Variants in SLC38A12 observed in about 807,000 individuals in gnomAD.
The protein encoded by SLC38A12 is solute carrier family 38 member 12, also known as putative sodium-coupled neutral amino acid transporter 12.
the SLC38A12 span, among the ~76,000 whole-genome samples, chr17:74,801,333 A>G: frequency 3.3e-3 from 501 of 152,320 alleles, 2 homozygotes; most frequent in African/African-American, 0.011. Flanking sequence ...CACTGCGTGC[A>G]GTCGTTCTAA....
chr17:74,807,172 G>A, the SLC38A12 span, among the ~76,000 whole-genome samples: 2 of 118,554 alleles, frequency 1.7e-5, no homozygotes, highest in Non-Finnish European at 3.2e-5. Context: ...GGCCCACCAC[G>A]TGCCTGTGCC....
At chr17:74,829,785 C>G in the SLC38A12 span, among the ~76,000 whole-genome samples, 1 of 152,272 alleles carries the variant, frequency 6.6e-6, no homozygotes. The surrounding 1 kb of genome is among the most constrained non-coding windows in gnomAD (Gnocchi z 4.1). Flanking sequence ...AGAGCTCTGG[C>G]CCCTGTGCCC....
At chr17:74,819,933 G>A in the SLC38A12 span, 62 of 1,182,284 alleles carry the variant, frequency 5.2e-5, no homozygotes, top group Middle Eastern at 5.7e-4. Context: ...GCCCCCAGCC[G>A]TAGCTGGAGT....
the SLC38A12 span, among the ~76,000 whole-genome samples, chr17:74,816,697 A>G: frequency 6.7e-6 from 1 of 148,930 alleles, no homozygotes; most frequent in African/African-American, 2.5e-5. Flanking sequence ...GTTTTTTTTT[A>G]GAAATGTGCT....
chr17:74,821,427 C>A, the SLC38A12 span, among the ~76,000 whole-genome samples: 4 of 152,202 alleles, frequency 2.6e-5, no homozygotes, highest in African/African-American at 9.7e-5. Context: ...GTTCCAAAGC[C>A]CCAGGTTAAA....
the SLC38A12 span, among the ~76,000 whole-genome samples, chr17:74,784,632 G>A: frequency 6.6e-6 from 1 of 152,166 alleles, no homozygotes; most frequent in Non-Finnish European, 1.5e-5. Flanking sequence ...CAGGGGAGGA[G>A]GCTGGGGGAC....
At chr17:74,802,789 G>A in the SLC38A12 span, among the ~76,000 whole-genome samples, 3 of 152,226 alleles carry the variant, frequency 2.0e-5, no homozygotes, top group East Asian at 3.9e-4. Context: ...GGGGTGCTTA[G>A]CCTAAACCAT....
chr17:74,836,985 G>A, the SLC38A12 span: 37 of 1,194,496 alleles, frequency 3.1e-5, 1 homozygote, highest in South Asian at 1.7e-4. The surrounding 1 kb of genome is among the most constrained non-coding windows in gnomAD (Gnocchi z 4.2). Context: ...CTTCCAACAC[G>A]CTTCACCCCC....
At chr17:74,819,767 C>G in the SLC38A12 span, 2 of 1,614,250 alleles carry the variant, frequency 1.2e-6, no homozygotes, top group South Asian at 2.2e-5. Flanking sequence ...TCACTCTCCT[C>G]CTCGGACCGT....
the SLC38A12 span, chr17:74,785,420 G>C: frequency 6.3e-7 from 1 of 1,578,440 alleles, no homozygotes; most frequent in Admixed American, 1.7e-5. Context: ...CGTTCCTTGG[G>C]AGCTGTTAAG....
At chr17:74,824,714 C>T in the SLC38A12 span, among the ~76,000 whole-genome samples, 1 of 152,212 alleles carries the variant, frequency 6.6e-6, no homozygotes, top group South Asian at 2.1e-4. Flanking sequence ...AGACGCTGCA[C>T]ACGCTCTTTT....
the SLC38A12 span, among the ~76,000 whole-genome samples, chr17:74,817,074 G>T: frequency 6.9e-6 from 1 of 144,640 alleles, no homozygotes; most frequent in Non-Finnish European, 1.5e-5. Context: ...GCATGCCATT[G>T]CCTCTGTCCT....
chr17:74,839,075 C>T, the SLC38A12 span: 3 of 1,535,352 alleles, frequency 2.0e-6, no homozygotes, highest in African/African-American at 1.4e-5. Flanking sequence ...TTGCCTCCCT[C>T]CCCACAGAAG....
chr17:74,796,822 A>G, the SLC38A12 span, among the ~76,000 whole-genome samples: 1 of 152,224 alleles, frequency 6.6e-6, no homozygotes, highest in South Asian at 2.1e-4. Flanking sequence ...AGGTACTGGC[A>G]TGGCAGCCGG....
the SLC38A12 span, chr17:74,794,870 C>T: frequency 7.3e-6 from 5 of 688,442 alleles, no homozygotes; most frequent in African/African-American, 7.2e-5. Context: ...GGGTCATTTT[C>T]CCACTTTTTG....
At chr17:74,799,368 T>C in the SLC38A12 span, among the ~76,000 whole-genome samples, 4 of 152,238 alleles carry the variant, frequency 2.6e-5, no homozygotes, top group Non-Finnish European at 5.9e-5. Flanking sequence ...AACTGCCCTG[T>C]TGAGCAGAGG....
chr17:74,814,225 T>C, the SLC38A12 span, among the ~76,000 whole-genome samples: 45 of 152,178 alleles, frequency 3.0e-4, no homozygotes, highest in Middle Eastern at 3.4e-3. Flanking sequence ...ATGCTGGTGA[T>C]GGCGGGAAGC....
At chr17:74,807,443 G>A in the SLC38A12 span, among the ~76,000 whole-genome samples, 4 of 152,360 alleles carry the variant, frequency 2.6e-5, no homozygotes, top group South Asian at 8.3e-4. Flanking sequence ...GCCTGTGGCG[G>A]GGCTTTGGCA....
the SLC38A12 span, among the ~76,000 whole-genome samples, chr17:74,815,433 A>C: frequency 6.6e-6 from 1 of 152,212 alleles, no homozygotes; most frequent in Non-Finnish European, 1.5e-5. Context: ...ATTGGCACCA[A>C]GTTTAAAATT....
Sources: allele counts gnomAD v4.1 joint callset (sites outside exome capture counted in the v4.1 genomes callset), GRCh38; gene constraint gnomAD v4.1.1; non-coding constraint Gnocchi (gnomAD v3.1); transcripts MANE v1.5; gene names NCBI Gene and HGNC (gene_info 2026-07-23, HGNC 2026-07-21).